The following MTA3 variants were observed in gnomAD, a reference collection of about 807,000 sequenced individuals.
MTA3 encodes metastasis-associated protein MTA3.
A neutral mutation model predicts 83.5 loss-of-function variants in MTA3; 34 were observed. The observed-to-expected ratio is 0.41, with a 90% CI of 0.31 to 0.54. MTA3 has a LOEUF of 0.54. MTA3 is among the 20% of genes least tolerant of loss of function. The probability of loss-of-function intolerance (pLI) is 0.33; values close to 1 mark genes in which losing one functional copy is unlikely to be tolerated. For synonymous variants in MTA3, 303 were observed against 252.7 expected, an observed-to-expected ratio of 1.20 and a Z score of -1.89; for missense variants, 761 against 726.4, an observed-to-expected ratio of 1.05 and a Z score of -0.55.
intron 8 of MTA3, among the ~76,000 whole-genome samples, chr2:42,682,031 A>T (rs1040751640): frequency 6.6e-6 from 1 of 151,542 alleles, no homozygotes; most frequent in African/African-American, 2.4e-5. Context: ...ACATAGCGAG[A>T]CCCCCATCTC....
intron 5 of MTA3, among the ~76,000 whole-genome samples, chr2:42,642,514 T>C (rs1006049944): frequency 4.0e-5 from 6 of 151,818 alleles, no homozygotes; most frequent in African/African-American, 1.4e-4. Flanking sequence ...AAAAACAAAA[T>C]CTGATGTTGA....
chr2:42,580,298 C>A (rs1679473598), intron 3 of MTA3, among the ~76,000 whole-genome samples: 1 of 151,856 alleles, frequency 6.6e-6, no homozygotes, highest in South Asian at 2.1e-4. Flanking sequence ...TCCCCCCCTT[C>A]TTTTCAGTTC....
chr2:42,720,951 CA>C (rs377702701), intron 15 of MTA3, among the ~76,000 whole-genome samples: 3,336 of 69,660 alleles, frequency 0.048, 49 homozygotes, highest in African/African-American at 0.12. Flanking sequence ...GACCCTGTCT[CA>C]AAAAAAAAAA....
intron 3 of MTA3, among the ~76,000 whole-genome samples, chr2:42,596,890 C>G (rs1681850453): frequency 6.6e-6 from 1 of 151,882 alleles, no homozygotes; most frequent in Non-Finnish European, 1.5e-5. Flanking sequence ...AGTAGCTAAT[C>G]TAAAATTTTC....
chr2:42,504,724 C>T lies in MTA3; in HGVS notation c.-141+9470C>T, dbSNP rs539724035. On this transcript the variant is annotated intron_variant, in intron 2 of 17. Coordinates refer to the MTA3 transcript ENST00000405592. Reference sequence around the variant, plus strand: ...GTTGCCCAGGCTGGTCTTGAACTCCCGGGTTCAAGCAGTTCTCCCACCTCA... The same window carrying T: ...GTTGCCCAGGCTGGTCTTGAACTCCTGGGTTCAAGCAGTTCTCCCACCTCA... Among the ~76,000 whole-genome samples, 11 of 151,406 alleles carry T rather than the reference C, an allele frequency of 7.3e-5. No homozygotes were observed. The South Asian group carries it at 1.9e-3, about 26-fold the overall frequency.
intron 15 of MTA3, among the ~76,000 whole-genome samples, chr2:42,722,414 C>T (rs974946098): frequency 3.3e-5 from 5 of 152,110 alleles, no homozygotes; most frequent in Non-Finnish European, 7.4e-5. Context: ...TGATCCTGGT[C>T]CCATACTCTG....
At chr2:42,540,503 G>A (rs1676471111) in intron 2 of MTA3, among the ~76,000 whole-genome samples, 1 of 151,936 alleles carries the variant, frequency 6.6e-6, no homozygotes, top group Admixed American at 6.6e-5. Flanking sequence ...AAAATGATCT[G>A]TCTATATTTT....
intron 3 of MTA3, among the ~76,000 whole-genome samples, chr2:42,580,401 TTGCTCTGTCACCCAGACTGGAG>T: frequency 6.6e-6 from 1 of 151,944 alleles, no homozygotes; most frequent in African/African-American, 2.4e-5. Context: ...AGATTGAGTC[TTGCTCTGTCACCCAGACTGGAG>T]TGCAGTGGTG....
chr2:42,557,569 A>C (rs1220425507), intron 2 of MTA3, among the ~76,000 whole-genome samples: 1 of 152,182 alleles, frequency 6.6e-6, no homozygotes, highest in East Asian at 1.9e-4. Context: ...GCCACTAATA[A>C]TATAGTCCTG....
At chr2:42,548,131 G>A (rs1046880978) in intron 2 of MTA3, among the ~76,000 whole-genome samples, 1 of 152,116 alleles carries the variant, frequency 6.6e-6, no homozygotes, top group Admixed American at 6.6e-5. Context: ...TCTTATCCGT[G>A]GTTTTGTTTT....
chr2:42,523,688 G>A (rs997006751), intron 2 of MTA3, among the ~76,000 whole-genome samples: 3 of 152,154 alleles, frequency 2.0e-5, no homozygotes, highest in African/African-American at 7.2e-5. Context: ...CGAGGCAGTA[G>A]GATCACTTGA....
intron 8 of MTA3, among the ~76,000 whole-genome samples, chr2:42,661,359 G>C (rs1484844545): frequency 6.6e-6 from 1 of 151,816 alleles, no homozygotes; most frequent in Non-Finnish European, 1.5e-5. Context: ...AAATTAGCTG[G>C]GTGTGGTGGC....
intron 2 of MTA3, among the ~76,000 whole-genome samples, chr2:42,510,025 G>A (rs1320504307): frequency 2.6e-5 from 4 of 152,084 alleles, no homozygotes; most frequent in Admixed American, 6.6e-5. Context: ...CCAGCTTCCC[G>A]TGTTTAAAAG....
At chr2:42,536,978 G>A (rs1676275303) in intron 2 of MTA3, among the ~76,000 whole-genome samples, 1 of 151,940 alleles carries the variant, frequency 6.6e-6, no homozygotes, top group South Asian at 2.1e-4. Flanking sequence ...AGGGAATACA[G>A]TGGATCCCAA....
At chr2:42,525,856 C>G (rs1424720581) in intron 2 of MTA3, among the ~76,000 whole-genome samples, 1 of 151,776 alleles carries the variant, frequency 6.6e-6, no homozygotes, top group African/African-American at 2.4e-5. Context: ...GACGGGGTTT[C>G]ACCTCGTTGC....
chr2:42,508,065 G>C (rs1674719689), intron 2 of MTA3, among the ~76,000 whole-genome samples: 1 of 152,026 alleles, frequency 6.6e-6, no homozygotes, highest in East Asian at 1.9e-4. Context: ...CATCTTCTGA[G>C]TTACACCTGG....
chr2:42,740,267 T>C (rs960207561), intron 16 of MTA3, among the ~76,000 whole-genome samples: 1 of 152,230 alleles, frequency 6.6e-6, no homozygotes, highest in African/African-American at 2.4e-5. Context: ...TCCCAGCACT[T>C]TGGGAGGCCA....
intron 4 of MTA3, among the ~76,000 whole-genome samples, chr2:42,610,360 T>C (rs1248218617): frequency 6.6e-6 from 1 of 152,148 alleles, no homozygotes; most frequent in East Asian, 1.9e-4. Flanking sequence ...GATGAAAACT[T>C]TATATTCTTT....
chr2:42,600,403 G>A (rs1450373235), intron 3 of MTA3, among the ~76,000 whole-genome samples: 1 of 151,962 alleles, frequency 6.6e-6, no homozygotes, highest in East Asian at 1.9e-4. Context: ...TTTGTCCATG[G>A]TAGACTATTA....
Sources: allele counts gnomAD v4.1 joint callset (sites outside exome capture counted in the v4.1 genomes callset), GRCh38; gene constraint gnomAD v4.1.1; transcripts MANE v1.5; gene names NCBI Gene and HGNC (gene_info 2026-07-23, HGNC 2026-07-21).